The following LYZL4 variants were observed in gnomAD, a reference collection of about 807,000 sequenced individuals.
The protein encoded by LYZL4 is lysozyme like 4, also known as lysozyme-like protein 4.
In LYZL4, 13 loss-of-function variants were observed where a neutral mutation model predicts 17.6. That is an observed-to-expected ratio of 0.74 (90% CI 0.48 to 1.18). The LOEUF is 1.18. LYZL4 is among the 50% of genes most tolerant of loss of function. LYZL4 has a pLI of 0.00. For synonymous variants in LYZL4, 64 were observed against 67.7 expected, an observed-to-expected ratio of 0.95 and a Z score of 0.27; for missense variants, 174 against 188.2, an observed-to-expected ratio of 0.92 and a Z score of 0.44.
chr3:42,402,701 G>A (rs1007964219), intron 4 of LYZL4, among the ~76,000 whole-genome samples: 18 of 152,232 alleles, frequency 1.2e-4, no homozygotes, highest in Admixed American at 1.0e-3. Flanking sequence ...TTAGAAAACT[G>A]TTTGACACAA....
chr3:42,365,976 A>T, the LYZL4 span, among the ~76,000 whole-genome samples: 14,507 of 152,072 alleles, frequency 0.095, 2,340 homozygotes, highest in African/African-American at 0.33. Context: ...CTCCAATTTC[A>T]TATCAACTGG....
intron 4 of LYZL4, 71 bp downstream of exon 4, chr3:42,403,975 T>C: frequency 1.7e-6 from 2 of 1,156,052 alleles, no homozygotes; most frequent in Admixed American, 3.9e-5. Context: ...AGCCAAGATT[T>C]AGCCAAGATT....
At chr3:42,401,671 T>G (rs183307274) in intron 4 of LYZL4, among the ~76,000 whole-genome samples, 1 of 152,268 alleles carries the variant, frequency 6.6e-6, no homozygotes, top group African/African-American at 2.4e-5. Context: ...TTTGAATTTT[T>G]AAGTCAGGTG....
At chr3:42,382,441 G>A in the LYZL4 span, among the ~76,000 whole-genome samples, 3 of 152,122 alleles carry the variant, frequency 2.0e-5, no homozygotes, top group East Asian at 5.8e-4. Context: ...ATATTAATAT[G>A]TCATATTAAT....
At chr3:42,366,909 C>T in the LYZL4 span, among the ~76,000 whole-genome samples, 3 of 152,190 alleles carry the variant, frequency 2.0e-5, no homozygotes, top group African/African-American at 4.8e-5. Flanking sequence ...CCCCATGAGA[C>T]CTAGACCCCA....
chr3:42,375,103 A>G, the LYZL4 span, among the ~76,000 whole-genome samples: 67 of 152,196 alleles, frequency 4.4e-4, no homozygotes, highest in African/African-American at 7.7e-4. Flanking sequence ...GAGCCACTGT[A>G]CCTGGCCTAG....
the LYZL4 span, among the ~76,000 whole-genome samples, chr3:42,376,331 C>T: frequency 1.3e-5 from 2 of 152,080 alleles, no homozygotes; most frequent in African/African-American, 2.4e-5. Flanking sequence ...CACCCTCTGC[C>T]CTGGGAAGCC....
the LYZL4 span, among the ~76,000 whole-genome samples, chr3:42,374,650 C>T: frequency 6.6e-6 from 1 of 152,164 alleles, no homozygotes; most frequent in Non-Finnish European, 1.5e-5. Flanking sequence ...TACGGCCCTC[C>T]CTTCAGCTCA....
intron 4 of LYZL4, among the ~76,000 whole-genome samples, chr3:42,402,320 T>C (rs1267150192): frequency 2.3e-5 from 3 of 129,132 alleles, no homozygotes; most frequent in African/African-American, 3.3e-5. Flanking sequence ...CTTTTCTTTC[T>C]TTTTTTTTTT....
the LYZL4 span, among the ~76,000 whole-genome samples, chr3:42,383,767 A>G: frequency 5.9e-5 from 9 of 152,162 alleles, no homozygotes; most frequent in Non-Finnish European, 1.2e-4. Flanking sequence ...TGAAAATAGA[A>G]ATGAAAAATA....
At chr3:42,379,632 C>G in the LYZL4 span, among the ~76,000 whole-genome samples, 1 of 152,176 alleles carries the variant, frequency 6.6e-6, no homozygotes, top group Admixed American at 6.5e-5. Context: ...GGAGTTATGT[C>G]TCTCCTCTCC....
At chr3:42,397,860 C>T (rs1290845234) in intron 4 of LYZL4, among the ~76,000 whole-genome samples, 1 of 152,202 alleles carries the variant, frequency 6.6e-6, no homozygotes, top group Non-Finnish European at 1.5e-5. Context: ...CACTGAGTTT[C>T]TCTAACCTTT....
chr3:42,365,545 A>G, the LYZL4 span, among the ~76,000 whole-genome samples: 38 of 152,224 alleles, frequency 2.5e-4, no homozygotes, highest in African/African-American at 8.7e-4. Context: ...TAGAGTGCAA[A>G]TCGGCAAGGT....
At chr3:42,394,024 C>G (rs2125598217), downstream of LYZL4, among the ~76,000 whole-genome samples, 3 of 152,220 alleles carry the variant, frequency 2.0e-5, no homozygotes, top group Middle Eastern at 3.4e-3. Context: ...AACTCCTGGC[C>G]CCAGGTGATC....
chr3:42,389,821 G>A, the LYZL4 span, among the ~76,000 whole-genome samples: 20 of 152,256 alleles, frequency 1.3e-4, no homozygotes, highest in South Asian at 3.7e-3. Flanking sequence ...ATCCATAAGC[G>A]GGATTCCTAT....
At chr3:42,375,872 A>G in the LYZL4 span, among the ~76,000 whole-genome samples, 2 of 152,206 alleles carry the variant, frequency 1.3e-5, no homozygotes, top group South Asian at 4.1e-4. Flanking sequence ...ATAAAGATGG[A>G]ATGAATTCAG....
chr3:42,364,793 G>C, the LYZL4 span, among the ~76,000 whole-genome samples: 1 of 152,058 alleles, frequency 6.6e-6, no homozygotes, highest in East Asian at 1.9e-4. Flanking sequence ...TCTTTTTGGC[G>C]TGTGAGACAA....
rs1339850650 is a variant in LYZL4, at chr3:42,397,217, T to A, written c.*48A>T. 1 of 1,317,776 alleles carries A rather than the reference T, an allele frequency of 7.6e-7. No homozygotes were observed. Among genetic ancestry groups the A allele is most frequent in the Non-Finnish European group, 1.1e-6 (1 of 938,968 alleles). 81.6% of individuals were successfully genotyped at this position (1,317,776 alleles called of 1,614,324 possible). A position where few individuals can be genotyped will look rare whatever the true frequency, so the allele number is the denominator to read the frequency against. ...TGAAGCAGCAAGCAGAAAAGCACCT[T>A]CATTCACAAGATGCAACTGGTGAGT... is the stretch of plus-strand genomic sequence containing the variant. On this transcript the variant is annotated 3_prime_UTR_variant, in exon 5 of 5. Transcript: ENST00000287748.
At chr3:42,362,806 A>T in the LYZL4 span, among the ~76,000 whole-genome samples, 1 of 152,238 alleles carries the variant, frequency 6.6e-6, no homozygotes, top group Non-Finnish European at 1.5e-5. Context: ...TACACTGCCA[A>T]AGTATCACCC....
Sources: gnomAD v4.1 joint callset for allele counts (sites outside exome capture counted in the v4.1 genomes callset) on GRCh38, gnomAD v4.1.1 for gene constraint, MANE v1.5 for transcripts, NCBI Gene and HGNC (gene_info 2026-07-23, HGNC 2026-07-21) for gene names.